The following SDK1 variants were observed in gnomAD, a reference collection of about 807,000 sequenced individuals.
SDK1 encodes protein sidekick-1.
SDK1 carries 157 observed loss-of-function variants against 245.5 expected under a neutral mutation model. That is an observed-to-expected ratio of 0.64 (90% confidence interval 0.56 to 0.73). The LOEUF (loss-of-function observed/expected upper bound fraction) is 0.73. Among genes scored for constraint, SDK1 ranks in the 30% least tolerant of loss-of-function variants. The pLI is 0.00. For synonymous variants in SDK1, 1,647 were observed against 1,278.5 expected (o/e 1.29, Z -6.15); for missense variants, 3,583 against 3,002.3 (o/e 1.19, Z -4.52).
intron 4 of SDK1, among the ~76,000 whole-genome samples, chr7:3,694,372 C>G (rs1784516124): frequency 6.6e-6 from 1 of 152,164 alleles, no homozygotes; most frequent in Admixed American, 6.5e-5. Context: ...GCTCAACACC[C>G]TCCTCTCATA....
At chr7:3,366,140 C>T (rs1008951446) in intron 1 of SDK1, among the ~76,000 whole-genome samples, 1 of 151,684 alleles carries the variant, frequency 6.6e-6, no homozygotes, top group Admixed American at 6.6e-5. Context: ...TCTGAGTTTT[C>T]AATTTCTGGA....
At chr7:3,724,867 C>T (rs1465183833) in intron 4 of SDK1, among the ~76,000 whole-genome samples, 1 of 152,224 alleles carries the variant, frequency 6.6e-6, no homozygotes, top group Admixed American at 6.5e-5. Flanking sequence ...CCGAAGAGAA[C>T]TTGTCACATG....
chr7:4,028,430 G>C (rs938417151), intron 17 of SDK1, among the ~76,000 whole-genome samples: 2 of 152,202 alleles, frequency 1.3e-5, no homozygotes, highest in Non-Finnish European at 2.9e-5. Context: ...CACGTGTGCA[G>C]GCAAATCTCT....
intron 40 of SDK1, among the ~76,000 whole-genome samples, chr7:4,231,934 C>T (rs1468606384): frequency 6.6e-6 from 1 of 152,122 alleles, no homozygotes; most frequent in African/African-American, 2.4e-5. Context: ...TGGGTTTTCC[C>T]TCACCAGATT....
chr7:4,138,517 G>A (rs1272749125), intron 28 of SDK1, among the ~76,000 whole-genome samples: 1 of 152,046 alleles, frequency 6.6e-6, no homozygotes, highest in Admixed American at 6.6e-5. Context: ...AGGCTGAGAA[G>A]GGTGGATCCA....
chr7:3,641,320 A>C (rs6462207), intron 3 of SDK1, among the ~76,000 whole-genome samples: 50,839 of 152,042 alleles, frequency 0.33, 9,036 homozygotes, highest in South Asian at 0.45. Flanking sequence ...TTTTATACCT[A>C]CATTCTAATA....
At chr7:3,717,488 G>T (rs1359473201) in intron 4 of SDK1, among the ~76,000 whole-genome samples, 1 of 152,078 alleles carries the variant, frequency 6.6e-6, no homozygotes, top group Admixed American at 6.5e-5. Context: ...TAGAAAGAGG[G>T]AAGTCTCAAA....
intron 13 of SDK1, among the ~76,000 whole-genome samples, 155 bp from the exon 14 acceptor site, chr7:3,987,031 G>A (rs368952914): frequency 6.6e-6 from 1 of 152,114 alleles, no homozygotes; most frequent in Non-Finnish European, 1.5e-5. Flanking sequence ...GTCCTTTTCT[G>A]GGGGGAAGAG....
chr7:3,517,176 A>G (rs1222717134), intron 1 of SDK1, among the ~76,000 whole-genome samples: 6 of 152,178 alleles, frequency 3.9e-5, no homozygotes, highest in African/African-American at 9.7e-5. Flanking sequence ...AAGTAGCAGC[A>G]TGTGGTGTGA....
chr7:3,557,115 G>A (rs779982204), intron 1 of SDK1, among the ~76,000 whole-genome samples: 5 of 151,740 alleles, frequency 3.3e-5, no homozygotes, highest in East Asian at 1.9e-4. Context: ...AGCAAAAGTC[G>A]ACAAAACTGA....
At chr7:3,805,802 A>G (rs1357877943) in intron 4 of SDK1, among the ~76,000 whole-genome samples, 2 of 152,200 alleles carry the variant, frequency 1.3e-5, no homozygotes, top group Admixed American at 1.3e-4. Flanking sequence ...AATATTGTCA[A>G]GGCAATTCAG....
chr7:4,188,432 C>T (rs943758706), intron 35 of SDK1, among the ~76,000 whole-genome samples: 3 of 152,158 alleles, frequency 2.0e-5, no homozygotes, highest in African/African-American at 7.2e-5. Context: ...GCCTGGTCTC[C>T]ATTTTATTTT....
chr7:3,716,050 A>G (rs538998636), intron 4 of SDK1, among the ~76,000 whole-genome samples: 2 of 151,964 alleles, frequency 1.3e-5, no homozygotes, highest in African/African-American at 4.8e-5. Flanking sequence ...ACAAAGATAG[A>G]TCGGTGAATA....
intron 1 of SDK1, among the ~76,000 whole-genome samples, chr7:3,365,421 G>A (rs745821372): frequency 3.9e-5 from 6 of 151,980 alleles, no homozygotes; most frequent in East Asian, 1.9e-4. Flanking sequence ...TTCAGTGGTC[G>A]GAACTAAGAA....
intron 17 of SDK1, among the ~76,000 whole-genome samples, chr7:4,044,742 G>C (rs763663458): frequency 1.3e-5 from 2 of 152,128 alleles, no homozygotes; most frequent in Non-Finnish European, 2.9e-5. Flanking sequence ...ACCATGCCCT[G>C]CCTGCAGCAT....
intron 5 of SDK1, among the ~76,000 whole-genome samples, chr7:3,882,722 G>A (rs1021725469): frequency 4.2e-4 from 64 of 151,898 alleles, no homozygotes; most frequent in African/African-American, 1.3e-3. Context: ...TTACAAATGA[G>A]CCTTCTTTTT....
At chr7:4,125,802 A>G (rs890585768) in intron 25 of SDK1, among the ~76,000 whole-genome samples, 1 of 152,214 alleles carries the variant, frequency 6.6e-6, no homozygotes, top group Non-Finnish European at 1.5e-5. Flanking sequence ...CCTGCTGACC[A>G]ACAAGTGCTG....
At position 3,415,704 on chromosome 7, in the gene SDK1, A is replaced by G. The variant is rs185230268; in HGVS notation, c.298+113820A>G. ...CCAGTTTTCCTTACCATATATTTAT[A>G]TATAAATTATATATAAATGTATATA... is the stretch of plus-strand genomic sequence containing the variant. On this transcript the variant is annotated intron_variant, in intron 1 of 44. Coordinates refer to ENST00000404826, the MANE Select transcript of SDK1 (RefSeq NM_152744.4). Among the ~76,000 whole-genome samples, 150 of 149,498 alleles carry G rather than the reference A, an allele frequency of 1.0e-3. 1 individual carries two copies. Among genetic ancestry groups the G allele is most frequent in the African/African-American group, 3.5e-3 (142 of 41,050 alleles).
chr7:3,593,375 T>A (rs1377192962), intron 1 of SDK1, among the ~76,000 whole-genome samples: 1 of 152,170 alleles, frequency 6.6e-6, no homozygotes, highest in Non-Finnish European at 1.5e-5. Context: ...TAGTATGTGA[T>A]GCACATGAGC....
Sources: allele counts gnomAD v4.1 joint callset (sites outside exome capture counted in the v4.1 genomes callset), GRCh38; gene constraint gnomAD v4.1.1; transcripts MANE v1.5; gene names NCBI Gene and HGNC (gene_info 2026-07-23, HGNC 2026-07-21).